Variants in AUTS2 observed in about 807,000 individuals in gnomAD.
AUTS2 encodes the protein autism susceptibility gene 2 protein.
Under a neutral mutation model 112.4 loss-of-function variants are expected in AUTS2, and 17 were observed. That is an observed-to-expected ratio of 0.15 (90% CI 0.10 to 0.23). The LOEUF is 0.23. Among genes scored for constraint, AUTS2 ranks in the 10% least tolerant of loss-of-function variants. The pLI is 1.00. For missense variants in AUTS2, 1,510 were observed against 1,701.6 expected, an observed-to-expected ratio of 0.89 and a Z score of 1.98; for synonymous variants, 751 against 702.7, an observed-to-expected ratio of 1.07 and a Z score of -1.09.
intron 4 of AUTS2, among the ~76,000 whole-genome samples, chr7:70,384,205 G>T (rs1457676212): frequency 6.6e-6 from 1 of 152,146 alleles, no homozygotes; most frequent in African/African-American, 2.4e-5. Context: ...TTGCTCAGTG[G>T]GGGGACGTTT....
chr7:70,434,150 T>C (rs939505274), intron 4 of AUTS2, among the ~76,000 whole-genome samples: 2 of 152,234 alleles, frequency 1.3e-5, no homozygotes, highest in Admixed American at 1.3e-4. Flanking sequence ...CTTTGTTTAC[T>C]GGGGAGACAA....
chr7:70,755,312 A>G (rs889364512), intron 6 of AUTS2, among the ~76,000 whole-genome samples: 94 of 151,868 alleles, frequency 6.2e-4, no homozygotes, highest in African/African-American at 2.2e-3. Context: ...AATTAAAACT[A>G]TGCACCATAC....
chr7:70,088,271 C>A (rs546281679), intron 2 of AUTS2, among the ~76,000 whole-genome samples: 1 of 151,144 alleles, frequency 6.6e-6, no homozygotes, highest in African/African-American at 2.4e-5. Flanking sequence ...CTCCAGGCAC[C>A]CACCACCACG....
intron 5 of AUTS2, among the ~76,000 whole-genome samples, chr7:70,555,066 C>G (rs969157762): frequency 2.0e-5 from 3 of 152,134 alleles, no homozygotes; most frequent in Admixed American, 6.5e-5. Context: ...TGTCCTTTAG[C>G]TGATGGAGAG....
chr7:69,958,873 T>C (rs1231634419), intron 2 of AUTS2, among the ~76,000 whole-genome samples: 1 of 152,118 alleles, frequency 6.6e-6, no homozygotes, highest in Non-Finnish European at 1.5e-5. Context: ...CTTTTTGGCA[T>C]TGGAAAGGGG....
intron 1 of AUTS2, among the ~76,000 whole-genome samples, chr7:69,792,486 G>A (rs1258871203): frequency 2.0e-5 from 3 of 152,002 alleles, no homozygotes; most frequent in African/African-American, 4.8e-5. Flanking sequence ...TGATCCACCC[G>A]CCTCAGCTTC....
At chr7:69,863,003 G>T (rs1438971390) in intron 1 of AUTS2, among the ~76,000 whole-genome samples, 1 of 152,150 alleles carries the variant, frequency 6.6e-6, no homozygotes, top group African/African-American at 2.4e-5. Flanking sequence ...GTTTGGCTCA[G>T]AGACTACCCC....
intron 4 of AUTS2, among the ~76,000 whole-genome samples, chr7:70,342,843 A>G (rs1436572287): frequency 6.6e-6 from 1 of 152,128 alleles, no homozygotes; most frequent in Non-Finnish European, 1.5e-5. Flanking sequence ...CTGGAGTTTG[A>G]CACAAGGCAT....
intron 4 of AUTS2, among the ~76,000 whole-genome samples, chr7:70,193,575 C>T (rs1022909355): frequency 6.6e-6 from 1 of 152,148 alleles, no homozygotes; most frequent in African/African-American, 2.4e-5. Context: ...AAGGACACCT[C>T]GTCTGATTTC....
chr7:70,324,647 T>C (rs1287335093), intron 4 of AUTS2, among the ~76,000 whole-genome samples: 2 of 152,048 alleles, frequency 1.3e-5, no homozygotes, highest in Admixed American at 1.3e-4. Context: ...AATTACAGGG[T>C]TGGCCTCCCT....
intron 5 of AUTS2, among the ~76,000 whole-genome samples, chr7:70,530,037 C>A (rs1000087752): frequency 1.3e-5 from 2 of 152,126 alleles, no homozygotes; most frequent in African/African-American, 2.4e-5. Flanking sequence ...CCACTGGGAG[C>A]CATGATGTAT....
At chr7:70,244,798 T>C in intron 4 of AUTS2, among the ~76,000 whole-genome samples, 1 of 152,158 alleles carries the variant, frequency 6.6e-6, no homozygotes, top group East Asian at 1.9e-4. Flanking sequence ...TTGAACTGTT[T>C]AGAAACACTA....
At chr7:70,610,191 G>T (rs537164189) in intron 5 of AUTS2, among the ~76,000 whole-genome samples, 1 of 151,998 alleles carries the variant, frequency 6.6e-6, no homozygotes, top group Non-Finnish European at 1.5e-5. Flanking sequence ...TAGAGACAGG[G>T]TTTTGCCATG....
At chr7:70,502,648 G>GT (rs1019294312) in intron 5 of AUTS2, among the ~76,000 whole-genome samples, 3 of 152,178 alleles carry the variant, frequency 2.0e-5, no homozygotes, top group African/African-American at 7.2e-5. Flanking sequence ...AACAGACTTT[G>GT]TTTATAGCAG....
intron 2 of AUTS2, among the ~76,000 whole-genome samples, chr7:70,069,024 T>C (rs986581977): frequency 6.6e-6 from 1 of 152,196 alleles, no homozygotes; most frequent in South Asian, 2.1e-4. Flanking sequence ...TTCTAAAGCA[T>C]TGGGGGACTG....
chr7:70,022,434 C>T (rs1800319764), intron 2 of AUTS2, among the ~76,000 whole-genome samples: 1 of 151,852 alleles, frequency 6.6e-6, no homozygotes, highest in Non-Finnish European at 1.5e-5. Context: ...CATTCTCCTG[C>T]CTTAGCCCCC....
chr7:69,670,555 CAAAAAAAAAAAAAAA>C (rs200373158), intron 1 of AUTS2, among the ~76,000 whole-genome samples: 293 of 119,044 alleles, frequency 2.5e-3, no homozygotes, highest in Middle Eastern at 9.3e-3. Context: ...CTTGATCCCT[CAAAAAAAAAAAAAAA>C]AAAAAAAAAA....
intron 1 of AUTS2, among the ~76,000 whole-genome samples, chr7:69,858,989 T>G (rs1261516014): frequency 6.6e-6 from 1 of 152,254 alleles, no homozygotes; most frequent in Non-Finnish European, 1.5e-5. Flanking sequence ...TAGAAGTGAA[T>G]AGGACTGTTA....
At chr7:69,823,413 C>A (rs926214721) in intron 1 of AUTS2, among the ~76,000 whole-genome samples, 2 of 152,076 alleles carry the variant, frequency 1.3e-5, no homozygotes, top group African/African-American at 4.8e-5. Context: ...GGTAAGGAGC[C>A]CTTGAAAGGA....
Sources: gnomAD v4.1 joint callset for allele counts (sites outside exome capture counted in the v4.1 genomes callset) on GRCh38, gnomAD v4.1.1 for gene constraint, MANE v1.5 for transcripts, NCBI Gene and HGNC (gene_info 2026-07-23, HGNC 2026-07-21) for gene names.